The following THSD7A variants were observed in gnomAD, a reference collection of about 807,000 sequenced individuals.
THSD7A encodes the protein thrombospondin type 1 domain containing 7A, also known as thrombospondin type-1 domain-containing protein 7A.
Under a neutral mutation model 231.3 loss-of-function variants are expected in THSD7A, and 96 were observed. The observed-to-expected ratio is 0.41, with a 90% CI of 0.35 to 0.49. THSD7A has a LOEUF of 0.49. Ranked by LOEUF, THSD7A falls within the 20% of genes least tolerant of loss-of-function variation. The probability of loss-of-function intolerance (pLI) is 0.05; values close to 1 mark genes in which losing one functional copy is unlikely to be tolerated. For missense variants in THSD7A, 2,290 were observed against 2,070.2 expected, an observed-to-expected ratio of 1.11 and a Z score of -2.06; for synonymous variants, 940 against 743.3, an observed-to-expected ratio of 1.26 and a Z score of -4.30.
chr7:11,518,604 C>CAA (rs774459296), intron 6 of THSD7A, among the ~76,000 whole-genome samples: 2 of 151,626 alleles, frequency 1.3e-5, no homozygotes, highest in Admixed American at 6.6e-5. Flanking sequence ...TAGAAACACA[C>CAA]ACACACACAC....
In THSD7A at chr7:11,370,809, A is replaced by G. The variant is rs1372725322; in HGVS notation, c.*4985T>C. On this transcript the variant is annotated 3_prime_UTR_variant, in exon 28 of 28. Coordinates refer to ENST00000423059, the MANE Select transcript of THSD7A (RefSeq NM_015204.3). Reference sequence around the variant, plus strand: ...GCAAATTTTAATAAAGTTATATTTTACAATGATAGATACTGATCTCTTCAA... The same window carrying G: ...GCAAATTTTAATAAAGTTATATTTTGCAATGATAGATACTGATCTCTTCAA... 4.6e-5 allele frequency: 7 copies of G among 152,324 alleles called. No individual in the cohort carries two copies. Among genetic ancestry groups the G allele is most frequent in the African/African-American group, 1.7e-4 (7 of 41,588 alleles). The allele number at this position is 152,324 out of a possible 1,614,324, so 9.4% of individuals were successfully genotyped here. A position where few individuals can be genotyped will look rare whatever the true frequency, so the allele number is the denominator to read the frequency against.
chr7:11,621,610 G>A (rs897987943), intron 2 of THSD7A, among the ~76,000 whole-genome samples: 1 of 152,004 alleles, frequency 6.6e-6, no homozygotes, highest in Non-Finnish European at 1.5e-5. Flanking sequence ...TAGAGTTCCT[G>A]TAGACACAAA....
intron 4 of THSD7A, among the ~76,000 whole-genome samples, chr7:11,586,221 G>T (rs1036427261): frequency 1.3e-5 from 2 of 152,156 alleles, no homozygotes; most frequent in African/African-American, 4.8e-5. Flanking sequence ...TAGTATACTA[G>T]TGAAAGTTTT....
intron 13 of THSD7A, among the ~76,000 whole-genome samples, chr7:11,431,553 T>C (rs1784478884): frequency 6.6e-6 from 1 of 152,154 alleles, no homozygotes; most frequent in Non-Finnish European, 1.5e-5. Context: ...TTTATCTCCA[T>C]GTCTAGTTTC....
At chr7:11,689,783 A>C (rs1041477245) in intron 1 of THSD7A, among the ~76,000 whole-genome samples, 1 of 150,846 alleles carries the variant, frequency 6.6e-6, no homozygotes. Flanking sequence ...ACTCCAATTA[A>C]GAAAATTCTC....
intron 1 of THSD7A, among the ~76,000 whole-genome samples, chr7:11,740,603 A>T (rs1782081350): frequency 6.6e-6 from 1 of 151,734 alleles, no homozygotes; most frequent in African/African-American, 2.4e-5. Context: ...GACCTAACAT[A>T]CTTAAATCTT....
intron 1 of THSD7A, among the ~76,000 whole-genome samples, chr7:11,768,138 C>T (rs1358804816): frequency 1.3e-5 from 2 of 152,100 alleles, no homozygotes; most frequent in African/African-American, 2.4e-5. Flanking sequence ...GAAGACCATA[C>T]TTGGCAGGAC....
At chr7:11,742,880 T>C (rs931502777) in intron 1 of THSD7A, among the ~76,000 whole-genome samples, 1 of 151,930 alleles carries the variant, frequency 6.6e-6, no homozygotes, top group African/African-American at 2.4e-5. Context: ...TGTGGCATTA[T>C]GGTTCTGTTC....
chr7:11,761,375 C>G (rs1244361665), intron 1 of THSD7A, among the ~76,000 whole-genome samples: 3 of 151,990 alleles, frequency 2.0e-5, no homozygotes, highest in Non-Finnish European at 4.4e-5. Flanking sequence ...AACATCTTTG[C>G]AAATAGAATC....
chr7:11,710,403 A>G (rs1780914580), intron 1 of THSD7A, among the ~76,000 whole-genome samples: 1 of 150,990 alleles, frequency 6.6e-6, no homozygotes, highest in Non-Finnish European at 1.5e-5. Context: ...GATTTTGTTC[A>G]ATCCACTCAT....
chr7:11,484,914 G>C (rs957054781), intron 6 of THSD7A, among the ~76,000 whole-genome samples: 1 of 49,460 alleles, frequency 2.0e-5, no homozygotes, highest in East Asian at 6.5e-4. Context: ...TTGTGGAGAC[G>C]GAGTCTCACT....
At chr7:11,770,855 G>C (rs1351850083) in intron 1 of THSD7A, among the ~76,000 whole-genome samples, 1 of 151,872 alleles carries the variant, frequency 6.6e-6, no homozygotes, top group Non-Finnish European at 1.5e-5. Context: ...TAAGTAAAAA[G>C]AGAAATCTTT....
At chr7:11,608,534 C>T (rs1463996616) in intron 2 of THSD7A, among the ~76,000 whole-genome samples, 1 of 152,118 alleles carries the variant, frequency 6.6e-6, no homozygotes, top group African/African-American at 2.4e-5. Flanking sequence ...CCTGACCTGA[C>T]CATTCCCCAT....
chr7:11,556,662 TAAC>T (rs975778746), intron 4 of THSD7A, among the ~76,000 whole-genome samples: 1 of 151,946 alleles, frequency 6.6e-6, no homozygotes, highest in African/African-American at 2.4e-5. Context: ...AGTCTACTGG[TAAC>T]AACTTCTCTT....
At chr7:11,736,647 A>G (rs1289559229) in intron 1 of THSD7A, among the ~76,000 whole-genome samples, 1 of 152,064 alleles carries the variant, frequency 6.6e-6, no homozygotes, top group Non-Finnish European at 1.5e-5. Flanking sequence ...ACCATCATTT[A>G]TGTTGAAATG....
rs775425926 is a variant in THSD7A at position 11,417,620 on chromosome 7, A to G, written c.3384-17T>C. 4 of 1,592,532 alleles carry G rather than the reference A, an allele frequency of 2.5e-6. No homozygotes were observed. Among genetic ancestry groups the G allele is most frequent in the Admixed American group, 1.9e-5 (1 of 53,350 alleles). ...TGCATGCATCTAGAAAAGAACATAAACATATTCTAGAAAATATACATACAT... is the reference window on the plus strand; with the variant it reads ...TGCATGCATCTAGAAAAGAACATAAGCATATTCTAGAAAATATACATACAT... On this transcript the variant is annotated splice_polypyrimidine_tract_variant and intron_variant, in intron 16 of 27. Transcript: ENST00000423059.
At chr7:11,538,274 G>A (rs996173762) in intron 6 of THSD7A, among the ~76,000 whole-genome samples, 4 of 151,494 alleles carry the variant, frequency 2.6e-5, no homozygotes, top group African/African-American at 7.3e-5. Context: ...CTTTTTTTTC[G>A]AAAGTCACAT....
rs967905373 is a variant in THSD7A at position 11,509,289 on chromosome 7, A to G, written c.1823-27307T>C. On this transcript the variant is annotated intron_variant, in intron 6 of 27. Coordinates refer to ENST00000423059, the MANE Select transcript of THSD7A (RefSeq NM_015204.3). ...CATAGCAATTGGCAAGTACTAGAGC[A>G]GTGATGAACTGCAATCATTTCAAGA... 2.6e-5 allele frequency among the ~76,000 whole-genome samples: 4 copies of G among 152,294 alleles called. No individual in the cohort carries two copies. The East Asian group carries it at 7.7e-4, about 29-fold the overall frequency.
chr7:11,648,990 C>G (rs1782391130), intron 1 of THSD7A, among the ~76,000 whole-genome samples: 1 of 151,994 alleles, frequency 6.6e-6, no homozygotes, highest in Non-Finnish European at 1.5e-5. Context: ...TCCCTGCTTT[C>G]TGCTGTTCAT....
Sources: allele counts gnomAD v4.1 joint callset (sites outside exome capture counted in the v4.1 genomes callset), GRCh38; gene constraint gnomAD v4.1.1; transcripts MANE v1.5; gene names NCBI Gene and HGNC (gene_info 2026-07-23, HGNC 2026-07-21).